Variants in LYPLAL1 observed in about 807,000 individuals in gnomAD.
The protein encoded by LYPLAL1 is lysophospholipase-like protein 1.
A neutral mutation model predicts 19.7 loss-of-function variants in LYPLAL1; 23 were observed. The ratio of observed to expected loss-of-function variants is 1.17; its 90% confidence interval spans 0.84 to 1.65. LYPLAL1 has a LOEUF of 1.65. Among genes scored for constraint, LYPLAL1 ranks in the 40% most tolerant of loss-of-function variants. The pLI is 0.00. For synonymous variants in LYPLAL1, 119 were observed against 96.3 expected, an observed-to-expected ratio of 1.24 and a Z score of -1.38; for missense variants, 355 against 279.4, an observed-to-expected ratio of 1.27 and a Z score of -1.93.
At chr1:219,231,367 AGC>A in the LYPLAL1 span, among the ~76,000 whole-genome samples, 2 of 152,344 alleles carry the variant, frequency 1.3e-5, no homozygotes, top group South Asian at 4.1e-4. Flanking sequence ...AAGATGTCAA[AGC>A]CCATGGTATG....
At chr1:219,256,795 A>G in the LYPLAL1 span, among the ~76,000 whole-genome samples, 2 of 151,856 alleles carry the variant, frequency 1.3e-5, no homozygotes, top group Non-Finnish European at 2.9e-5. Flanking sequence ...TTGATTTTCC[A>G]CTGTGGCTAT....
the LYPLAL1 span, among the ~76,000 whole-genome samples, chr1:219,436,742 G>A: frequency 2.6e-5 from 4 of 152,242 alleles, no homozygotes; most frequent in African/African-American, 7.2e-5. Flanking sequence ...TATGAAGAGC[G>A]TTGAGTTAAT....
At chr1:219,319,063 T>C in the LYPLAL1 span, among the ~76,000 whole-genome samples, 1 of 152,162 alleles carries the variant, frequency 6.6e-6, no homozygotes, top group African/African-American at 2.4e-5. Flanking sequence ...ACAGAAACCA[T>C]GTTTCAACAG....
chr1:219,210,935 A>G (rs1448739746), intron 4 of LYPLAL1, among the ~76,000 whole-genome samples: 1 of 152,146 alleles, frequency 6.6e-6, no homozygotes, highest in Admixed American at 6.6e-5. Flanking sequence ...AATTTTATAC[A>G]TATTAAAACT....
the LYPLAL1 span, among the ~76,000 whole-genome samples, chr1:219,221,926 G>A: frequency 3.3e-5 from 5 of 152,238 alleles, no homozygotes; most frequent in South Asian, 2.1e-4. Context: ...CAACACTCAC[G>A]TTATGGTGAC....
At chr1:219,359,954 C>T in the LYPLAL1 span, among the ~76,000 whole-genome samples, 1 of 152,202 alleles carries the variant, frequency 6.6e-6, no homozygotes, top group African/African-American at 2.4e-5. Context: ...CAGGCAGCTG[C>T]ATCAAAATTT....
the LYPLAL1 span, among the ~76,000 whole-genome samples, chr1:219,444,133 C>T: frequency 8.1e-3 from 1,232 of 152,240 alleles, 6 homozygotes; most frequent in Non-Finnish European, 0.013. Context: ...TATTCAAGGA[C>T]CTGCTTTGTA....
the LYPLAL1 span, among the ~76,000 whole-genome samples, chr1:219,288,825 C>G: frequency 8.3e-6 from 1 of 120,956 alleles, no homozygotes; most frequent in Admixed American, 9.6e-5. Flanking sequence ...TCTTAAAAAA[C>G]TTGTCTTACA....
At chr1:219,257,353 G>GTTTTTTTTTTTTTTTTTTTTTTTTT in the LYPLAL1 span, among the ~76,000 whole-genome samples, 6 of 132,580 alleles carry the variant, frequency 4.5e-5, 2 homozygotes, top group Non-Finnish European at 4.8e-5. Flanking sequence ...ATCCATACCA[G>GTTTTTTTTTTTTTTTTTTTTTTTTT]TTTTTGTTTT....
intron 2 of LYPLAL1, among the ~76,000 whole-genome samples, chr1:219,185,090 G>T (rs1656620420): frequency 6.6e-6 from 1 of 151,662 alleles, no homozygotes; most frequent in Non-Finnish European, 1.5e-5. Context: ...CATAGAACCA[G>T]GATATTCAGA....
the LYPLAL1 span, among the ~76,000 whole-genome samples, chr1:219,292,321 A>G: frequency 6.6e-6 from 1 of 152,170 alleles, no homozygotes; most frequent in Non-Finnish European, 1.5e-5. Flanking sequence ...TTTCACACCA[A>G]CCACTGGACT....
chr1:219,387,698 G>T, the LYPLAL1 span, among the ~76,000 whole-genome samples: 1 of 152,154 alleles, frequency 6.6e-6, no homozygotes, highest in African/African-American at 2.4e-5. Context: ...ATTCACAGAT[G>T]CTTAGAATCA....
chr1:219,266,265 A>G, the LYPLAL1 span, among the ~76,000 whole-genome samples: 1 of 152,014 alleles, frequency 6.6e-6, no homozygotes. Context: ...TTCTATTTTT[A>G]AAATGTATTT....
At chr1:219,201,831 A>G (rs1658128349) in intron 3 of LYPLAL1, among the ~76,000 whole-genome samples, 1 of 152,238 alleles carries the variant, frequency 6.6e-6, no homozygotes, top group African/African-American at 2.4e-5. Flanking sequence ...GTGACAAAAC[A>G]TTAGTGCTAT....
chr1:219,279,201 T>G, the LYPLAL1 span, among the ~76,000 whole-genome samples: 1 of 152,208 alleles, frequency 6.6e-6, no homozygotes, highest in East Asian at 1.9e-4. Context: ...CAGGCAATAT[T>G]CTGACTATGT....
the LYPLAL1 span, among the ~76,000 whole-genome samples, chr1:219,444,755 G>A: frequency 2.6e-5 from 4 of 152,168 alleles, no homozygotes; most frequent in African/African-American, 9.7e-5. Flanking sequence ...GAGCAGGAGA[G>A]TCTTTGATGA....
the LYPLAL1 span, among the ~76,000 whole-genome samples, chr1:219,301,341 C>T: frequency 6.6e-6 from 1 of 152,118 alleles, no homozygotes; most frequent in African/African-American, 2.4e-5. Context: ...TGGTGAAGCT[C>T]ATGTCTGACA....
the LYPLAL1 span, among the ~76,000 whole-genome samples, chr1:219,281,358 A>C: frequency 6.6e-6 from 1 of 152,228 alleles, no homozygotes; most frequent in African/African-American, 2.4e-5. Flanking sequence ...TACATAAAAG[A>C]TTTAAAGATA....
intron 2 of LYPLAL1, among the ~76,000 whole-genome samples, chr1:219,189,144 G>C (rs920400533): frequency 2.0e-5 from 3 of 151,592 alleles, no homozygotes; most frequent in Admixed American, 6.6e-5. Flanking sequence ...AAAGAAAAAA[G>C]TTAAGTGAAT....
Sources: allele counts gnomAD v4.1 joint callset (sites outside exome capture counted in the v4.1 genomes callset), GRCh38; gene constraint gnomAD v4.1.1; transcripts MANE v1.5; gene names NCBI Gene and HGNC (gene_info 2026-07-23, HGNC 2026-07-21).